The following CNTN5 variants were observed in gnomAD, a reference collection of about 807,000 sequenced individuals.
The protein encoded by CNTN5 is contactin-5.
CNTN5 carries 77 observed loss-of-function variants against 129.1 expected under a neutral mutation model. The observed-to-expected ratio is 0.60, with a 90% CI of 0.50 to 0.72. The LOEUF (loss-of-function observed/expected upper bound fraction) is 0.72. CNTN5 is among the 30% of genes least tolerant of loss of function. CNTN5 has a pLI of 0.00. For missense variants in CNTN5, 1,478 were observed against 1,328.8 expected, an observed-to-expected ratio of 1.11 and a Z score of -1.75; for synonymous variants, 509 against 465.6, an observed-to-expected ratio of 1.09 and a Z score of -1.20.
rs929558939 is a variant in CNTN5, at chr11:99,033,204, T to G, written c.-210+11934T>G. Among the ~76,000 whole-genome samples the G allele has an allele frequency of 1.0e-3, 154 of 151,618 alleles. 3 individuals are homozygous for G. In the South Asian group the frequency reaches 0.013, roughly 13 times the overall value. The stretch of plus-strand genomic sequence containing the variant: ...TATAGTTTGAAGTCAGGTAGTGTGA[T>G]GCCTCCAGCTTTGTTCTTTTGGCTT... On this transcript the variant is annotated intron_variant, in intron 1 of 24. Transcript: ENST00000524871.
intron 15 of CNTN5, among the ~76,000 whole-genome samples, chr11:100,212,187 C>A (rs1251159613): frequency 6.6e-6 from 1 of 152,076 alleles, no homozygotes; most frequent in Non-Finnish European, 1.5e-5. Context: ...TTCTGAATCT[C>A]ATAATTATCA....
intron 8 of CNTN5, among the ~76,000 whole-genome samples, chr11:99,984,495 T>C (rs564077719): frequency 1.2e-4 from 18 of 152,074 alleles, no homozygotes; most frequent in African/African-American, 3.9e-4. Flanking sequence ...ATGGTGATGA[T>C]TTTTTTGTTT....
intron 1 of CNTN5, among the ~76,000 whole-genome samples, chr11:99,180,866 T>C (rs1858020415): frequency 1.3e-5 from 2 of 152,196 alleles, no homozygotes; most frequent in African/African-American, 2.4e-5. Context: ...GCCAGTGATA[T>C]ACACATAAGA....
intron 3 of CNTN5, among the ~76,000 whole-genome samples, chr11:99,590,135 C>T (rs1237968762): frequency 2.0e-5 from 3 of 151,872 alleles, no homozygotes. Flanking sequence ...AAGAGAAATT[C>T]AGTGAATGCA....
At chr11:100,185,007 GCT>G (rs34369062) in intron 13 of CNTN5, among the ~76,000 whole-genome samples, 27,698 of 151,808 alleles carry the variant, frequency 0.18, 2,635 homozygotes, top group Non-Finnish European at 0.22. Flanking sequence ...CCACCTTGGC[GCT>G]CTCTCTCCTG....
At chr11:99,588,297 T>C (rs1450199195) in intron 3 of CNTN5, among the ~76,000 whole-genome samples, 4 of 125,384 alleles carry the variant, frequency 3.2e-5, no homozygotes, top group Non-Finnish European at 3.1e-5. Flanking sequence ...TGAGCCAAGA[T>C]AGCGCCACTG....
At chr11:99,694,782 T>C (rs1954196285) in intron 3 of CNTN5, among the ~76,000 whole-genome samples, 1 of 152,102 alleles carries the variant, frequency 6.6e-6, no homozygotes, top group Non-Finnish European at 1.5e-5. Flanking sequence ...TGTTTGGTTT[T>C]CTGTTCCTGA....
At chr11:99,424,644 G>A (rs945101586) in intron 2 of CNTN5, among the ~76,000 whole-genome samples, 2 of 152,250 alleles carry the variant, frequency 1.3e-5, no homozygotes, top group Non-Finnish European at 2.9e-5. Context: ...CCACAAGCTT[G>A]GAGATGCCAG....
intron 2 of CNTN5, among the ~76,000 whole-genome samples, chr11:99,439,644 G>T (rs1293379782): frequency 7.1e-6 from 1 of 140,750 alleles, no homozygotes; most frequent in African/African-American, 2.7e-5. Flanking sequence ...GAAGGCGGAG[G>T]TTGCAGTGAG....
chr11:99,358,026 T>G (rs1391261697), intron 2 of CNTN5, among the ~76,000 whole-genome samples: 1 of 145,088 alleles, frequency 6.9e-6, no homozygotes, highest in African/African-American at 2.5e-5. Flanking sequence ...AATAATAAAA[T>G]AAATAAATAA....
intron 3 of CNTN5, among the ~76,000 whole-genome samples, chr11:99,765,818 A>C (rs990116995): frequency 4.0e-5 from 6 of 151,820 alleles, no homozygotes; most frequent in Non-Finnish European, 8.8e-5. Context: ...ACTGATCTCT[A>C]CTTGTTTATA....
intron 1 of CNTN5, among the ~76,000 whole-genome samples, chr11:99,031,639 A>C (rs189598403): frequency 0.042 from 6,373 of 152,158 alleles, 451 homozygotes; most frequent in East Asian, 0.23. Context: ...ATTTGAAAAA[A>C]AAACCAAACA....
intron 2 of CNTN5, among the ~76,000 whole-genome samples, chr11:99,432,464 CCTTTTCTTTT>C (rs57219988): frequency 3.4e-5 from 4 of 116,422 alleles, no homozygotes; most frequent in African/African-American, 1.3e-4. Flanking sequence ...TCTTTTCTTT[CCTTTTCTTTT>C]CTTTTCTTTT....
At chr11:99,106,458 C>T (rs1354252653) in intron 1 of CNTN5, among the ~76,000 whole-genome samples, 2 of 151,932 alleles carry the variant, frequency 1.3e-5, no homozygotes, top group Admixed American at 6.6e-5. Context: ...TAATATATTA[C>T]ATATGTACAA....
chr11:99,625,008 C>A (rs1951078927), intron 3 of CNTN5, among the ~76,000 whole-genome samples: 1 of 152,140 alleles, frequency 6.6e-6, no homozygotes. Flanking sequence ...TTTTGTTTAC[C>A]ATGTGGTGAT....
chr11:99,405,434 C>T (rs1245134164), intron 2 of CNTN5, among the ~76,000 whole-genome samples: 1 of 152,004 alleles, frequency 6.6e-6, no homozygotes, highest in East Asian at 1.9e-4. Context: ...TATTTTCAAG[C>T]AACCTCTTCA....
chr11:100,123,735 T>C (rs1016399155), intron 13 of CNTN5, among the ~76,000 whole-genome samples: 2 of 151,982 alleles, frequency 1.3e-5, no homozygotes, highest in Non-Finnish European at 2.9e-5. Context: ...TTAATAACAG[T>C]GAATGACTAT....
intron 1 of CNTN5, among the ~76,000 whole-genome samples, chr11:99,028,304 A>C (rs1392654524): frequency 2.0e-5 from 3 of 151,868 alleles, no homozygotes; most frequent in Non-Finnish European, 3.0e-5. Context: ...TACTCACATA[A>C]ATGGTCTACT....
At chr11:100,057,202 A>ATATATACATTATATATAAAGTATAAG (rs1226696585) in intron 9 of CNTN5, among the ~76,000 whole-genome samples, 11 of 148,210 alleles carry the variant, frequency 7.4e-5, no homozygotes, top group African/African-American at 1.7e-4. Context: ...TAAAGTATAA[A>ATATATACATTATATATAAAGTATAAG]TATATACATT....
Sources: allele counts gnomAD v4.1 joint callset (sites outside exome capture counted in the v4.1 genomes callset), GRCh38; gene constraint gnomAD v4.1.1; transcripts MANE v1.5; gene names NCBI Gene and HGNC (gene_info 2026-07-23, HGNC 2026-07-21).